CORO7: variants seen among roughly 807,000 people sequenced by gnomAD.
The protein encoded by CORO7 is coronin-7.
In CORO7, 107 loss-of-function variants were observed where a neutral mutation model predicts 126.6. That is an observed-to-expected ratio of 0.85 (90% CI 0.72 to 0.99). CORO7 has a LOEUF of 0.99. Among genes scored for constraint, CORO7 ranks in the 50% least tolerant of loss-of-function variants. The pLI, the probability that CORO7 is intolerant of heterozygous loss-of-function variation, is 0.00. For synonymous variants in CORO7, 603 were observed against 536.8 expected (o/e 1.12, Z -1.70); for missense variants, 1,314 against 1,255.8 (o/e 1.05, Z -0.70).
intron 24 of CORO7, 43 bp downstream of exon 24, chr16:4,358,324 C>A: frequency 6.2e-7 from 1 of 1,600,358 alleles, no homozygotes; most frequent in South Asian, 1.1e-5. Context: ...CTCTAGGCAC[C>A]GAGAAGGCGG....
chr16:4,411,853 G>A (rs927281391), intron 3 of CORO7, among the ~76,000 whole-genome samples: 8 of 151,938 alleles, frequency 5.3e-5, no homozygotes, highest in African/African-American at 1.7e-4. Context: ...CTGTTCCCTC[G>A]AGGCGGACAG....
intron 9 of CORO7, chr16:4,383,139 G>A (rs564071007): frequency 3.6e-5 from 18 of 502,276 alleles, no homozygotes; most frequent in African/African-American, 1.2e-4. Flanking sequence ...GACAGTGTCC[G>A]CCCTGCCCTC....
intron 9 of CORO7, among the ~76,000 whole-genome samples, chr16:4,374,068 G>GGGGGAGA (rs2054627134): frequency 6.7e-6 from 1 of 150,162 alleles, no homozygotes; most frequent in Non-Finnish European, 1.5e-5. Context: ...TGAGTTCTTG[G>GGGGGAGA]AGAAGGGGGA....
intron 6 of CORO7, among the ~76,000 whole-genome samples, chr16:4,399,797 G>A (rs895543008): frequency 2.0e-5 from 3 of 151,958 alleles, no homozygotes; most frequent in African/African-American, 7.3e-5. Flanking sequence ...AGTCTGAGGT[G>A]GGAGGACTGC....
intron 9 of CORO7, among the ~76,000 whole-genome samples, chr16:4,372,755 C>T (rs966217630): frequency 1.3e-5 from 2 of 152,204 alleles, no homozygotes; most frequent in African/African-American, 2.4e-5. Context: ...CATTCTGCCT[C>T]TCCCCCATTC....
chr16:4,414,711 T>TGTTG (rs1260916133), intron 1 of CORO7, among the ~76,000 whole-genome samples: 2 of 152,154 alleles, frequency 1.3e-5, no homozygotes, highest in Admixed American at 6.5e-5. Flanking sequence ...TCCATGCCTA[T>TGTTG]CTGTTTATGT....
rs2053928521 is a variant in CORO7, at chr16:4,355,051, G to T, written c.*107C>A. The T allele has an allele frequency of 7.7e-7, 1 of 1,290,400 alleles. No homozygotes were observed. Among genetic ancestry groups the T allele is most frequent in the Non-Finnish European group, 1.0e-6 (1 of 963,542 alleles). The allele number at this position is 1,290,400 out of a possible 1,614,324, so 79.9% of individuals were successfully genotyped here. A position where few individuals can be genotyped will look rare whatever the true frequency, so the allele number is the denominator to read the frequency against. ...CCCACGGGAAGGCAGGAGTGCAGGG[G>T]TGACATGTGCCGGGGCCAGAGAGGT... is the stretch of plus-strand genomic sequence containing the variant. On this transcript the variant is annotated 3_prime_UTR_variant, in exon 28 of 28. Transcript: ENST00000251166.
At chr16:4,377,314 G>GATCAAAT (rs1265363479) in intron 9 of CORO7, among the ~76,000 whole-genome samples, 2 of 135,892 alleles carry the variant, frequency 1.5e-5, no homozygotes, top group Non-Finnish European at 3.2e-5. Flanking sequence ...CCTGACTAGT[G>GATCAAAT]ATCAAATATC....
intron 9 of CORO7, chr16:4,382,722 G>A (rs1268395326): frequency 1.3e-6 from 2 of 1,552,012 alleles, no homozygotes; most frequent in Non-Finnish European, 1.7e-6. Context: ...AAGGGCAGGT[G>A]GGGCCAGGGG....
chr16:4,369,765 C>T (rs1036248478), intron 9 of CORO7, among the ~76,000 whole-genome samples: 9 of 152,146 alleles, frequency 5.9e-5, no homozygotes, highest in African/African-American at 2.2e-4. Context: ...TGCCATTGCG[C>T]CAGTTCAAAG....
chr16:4,409,688 T>C (rs796338444), intron 3 of CORO7, among the ~76,000 whole-genome samples: 7 of 152,310 alleles, frequency 4.6e-5, no homozygotes, highest in African/African-American at 1.2e-4. Flanking sequence ...CTTTTCCCAC[T>C]GGAGCGGGCC....
chr16:4,412,025 C>G (rs533951332), intron 3 of CORO7, among the ~76,000 whole-genome samples: 1 of 152,044 alleles, frequency 6.6e-6, no homozygotes, highest in African/African-American at 2.4e-5. Context: ...GGGACTCCAG[C>G]AGAAGACGGA....
At chr16:4,358,507 C>A (rs1327648823) in intron 23 of CORO7, 24 bp from the exon 24 acceptor site, 1 of 1,564,968 alleles carries the variant, frequency 6.4e-7, no homozygotes, top group East Asian at 2.3e-5. Context: ...GGAGTCGGAG[C>A]TGCCGCTGGG....
In CORO7 at chr16:4,416,512, G is replaced by T. The variant is rs1188328683; in HGVS notation, c.7C>A (p.Arg3Ser). The stretch of plus-strand genomic sequence containing the variant: ...TGCCGGAACTTGGACACCCTGAAGC[G>T]GTTCATGGCGACGGGCACGGCGGCG... MN[R>S]FRVSKFRHTE... Residue 3 changes from arginine (R) to serine (S), a missense_variant, in exon 1 of 28, where the codon CGC (arginine) becomes AGC (serine). Physicochemically the swap from Arg to Ser is moderately radical, Grantham distance 110. Coordinates refer to ENST00000251166, the MANE Select transcript of CORO7 (RefSeq NM_024535.5). 1 of 1,576,940 alleles carries T rather than the reference G, an allele frequency of 6.3e-7. No individual in the cohort carries two copies.
intron 1 of CORO7, chr16:4,415,737 G>A: frequency 7.1e-6 from 7 of 985,554 alleles, no homozygotes; most frequent in Non-Finnish European, 8.4e-6. Flanking sequence ...AAGCGGAAGA[G>A]CAGAGCTGAC....
In CORO7 at chr16:4,356,157, T is replaced by C. The variant is rs1173566106; in HGVS notation, c.2686-785A>G. 3.3e-5 allele frequency among the ~76,000 whole-genome samples: 5 copies of C among 151,906 alleles called. No individual in the cohort carries two copies. The East Asian group carries it at 9.9e-4, about 30-fold the overall frequency. On this transcript the variant is annotated intron_variant, in intron 26 of 27. Coordinates refer to ENST00000251166, the MANE Select transcript of CORO7 (RefSeq NM_024535.5). ...TAGTAGAGACGAGGTTTCATCATGT[T>C]GGTCAGGCTGGTGTCGAACTCCCAA... is the stretch of plus-strand genomic sequence containing the variant.
intron 9 of CORO7, among the ~76,000 whole-genome samples, chr16:4,385,771 C>A (rs540946542): frequency 1.3e-5 from 2 of 152,382 alleles, no homozygotes; most frequent in South Asian, 4.1e-4. Context: ...GGTGGGACCA[C>A]AGCGGAGGCC....
chr16:4,412,416 C>T lies in CORO7; in HGVS notation c.172G>A (p.Val58Met). 1 of 1,614,236 alleles carries T rather than the reference C, an allele frequency of 6.2e-7. No individual in the cohort carries two copies. The highest frequency in any genetic ancestry group is 2.2e-5 in the East Asian group (1 of 44,886). Residue 58 changes from valine (V) to methionine (M), a missense_variant, in exon 3 of 28, where the codon GTG becomes ATG. Val to Met is a conservative substitution (Grantham distance 21). Transcript: ENST00000251166. ...NSDRPGVLGI[V>M]PLQGQGEDKR... ...TCCTCTCCTTGGCCTTGCAGAGGCA[C>T]AATGCCCAGTACACCTGTTAAACAA...
intron 9 of CORO7, among the ~76,000 whole-genome samples, chr16:4,367,594 G>C (rs756692708): frequency 6.6e-6 from 1 of 152,138 alleles, no homozygotes; most frequent in Non-Finnish European, 1.5e-5. Context: ...CAGAGCAGGG[G>C]GACTGGGCCT....
Sources: gnomAD v4.1 joint callset for allele counts (sites outside exome capture counted in the v4.1 genomes callset) on GRCh38, gnomAD v4.1.1 for gene constraint, MANE v1.5 for transcripts, NCBI Gene and HGNC (gene_info 2026-07-23, HGNC 2026-07-21) for gene names.